Variants in TRAK1 observed in about 807,000 individuals in gnomAD.
TRAK1 encodes trafficking kinesin protein 1.
In TRAK1, 33 loss-of-function variants were observed where a neutral mutation model predicts 92.1. The observed-to-expected ratio is 0.36, with a 90% CI of 0.27 to 0.48. The LOEUF is 0.48. Ranked by LOEUF, TRAK1 falls within the 20% of genes least tolerant of loss-of-function variation. TRAK1 has a pLI of 0.99. For synonymous variants in TRAK1, 521 were observed against 517.3 expected (o/e 1.01, Z -0.10); for missense variants, 1,123 against 1,257.9 (o/e 0.89, Z 1.62).
rs554905985 is a variant in TRAK1 at position 42,168,375 on chromosome 3, G to A, written c.287-8439G>A. Among the ~76,000 whole-genome samples the A allele has an allele frequency of 3.1e-4, 47 of 152,238 alleles. No homozygotes were observed. The South Asian group carries it at 5.0e-3, about 16-fold the overall frequency. On this transcript the variant is annotated intron_variant, in intron 2 of 15. Coordinates refer to ENST00000327628, the MANE Select transcript of TRAK1 (RefSeq NM_001042646.3). ...AAGTGGCTGGAATATGGCATGGTTCGGGGATGCTTGCTTGAGTGTCATTTA... is the reference window on the plus strand; with the variant it reads ...AAGTGGCTGGAATATGGCATGGTTCAGGGATGCTTGCTTGAGTGTCATTTA...
At chr3:42,178,551 C>T (rs1209154943) in intron 3 of TRAK1, among the ~76,000 whole-genome samples, 3 of 152,198 alleles carry the variant, frequency 2.0e-5, no homozygotes, top group South Asian at 2.1e-4. Context: ...TGCTGAGCCC[C>T]AGGCATAGGA....
intron 10 of TRAK1, among the ~76,000 whole-genome samples, chr3:42,196,022 A>G (rs942885311): frequency 6.6e-6 from 1 of 152,094 alleles, no homozygotes; most frequent in Non-Finnish European, 1.5e-5. Context: ...CCCCACTCTC[A>G]AGGGCAGACC....
chr3:42,015,530 C>T (rs1312153063), intron 1 of TRAK1, among the ~76,000 whole-genome samples: 2 of 152,140 alleles, frequency 1.3e-5, no homozygotes, highest in African/African-American at 4.8e-5. Context: ...TACTTAACCT[C>T]TCTGTCCTGC....
At chr3:42,137,759 A>G (rs564235946) in intron 2 of TRAK1, among the ~76,000 whole-genome samples, 2 of 152,168 alleles carry the variant, frequency 1.3e-5, no homozygotes, top group Non-Finnish European at 2.9e-5. Flanking sequence ...TCTTCTTCCA[A>G]GTGCCTCTGA....
Position 42,194,880 on chromosome 3 carries a change from G to A in TRAK1, c.1052G>A (p.Arg351Gln), listed in dbSNP as rs756350710. The A allele has an allele frequency of 6.2e-6, 10 of 1,613,802 alleles. No homozygotes were observed. Among genetic ancestry groups the A allele is most frequent in the African/African-American group, 1.3e-5 (1 of 74,902 alleles). Residue 351 changes from arginine (R) to glutamine (Q), a missense_variant, in exon 10 of 16, where the codon CGG becomes CAG. Physicochemically the swap from Arg to Gln is conservative, Grantham distance 43. This residue lies in a region of TRAK1 where 686 missense variants were observed against 747.6 expected (regional missense o/e 0.92). Coordinates refer to ENST00000327628, the MANE Select transcript of TRAK1 (RefSeq NM_001042646.3). ...GCGCAGGAGGAGCTGAAGAACCTCC[G>A]GAACAAAACCATGCCCAATACCACG... is the stretch of plus-strand genomic sequence containing the variant. ...HEAQEELKNL[R>Q]NKTMPNTTSR...
rs1317060595 is a variant in TRAK1 at position 42,209,945 on chromosome 3, C to T, written c.1923C>T (p.Arg641=). 3.7e-6 allele frequency: 6 copies of T among 1,614,088 alleles called. No individual in the cohort carries two copies. Among genetic ancestry groups the T allele is most frequent in the Non-Finnish European group, 5.1e-6 (6 of 1,180,054 alleles). Residue 641 remains arginine (R), a synonymous_variant, in exon 14 of 16, where the codon CGC becomes CGT. Transcript: ENST00000327628. ...CAGGTGACCACATTTCTCTCCCACG[C>T]CTAGCTACCTCCACTCCAGTTCAGC... ...DDTGDHISLP[R]LATSTPVQHP... is the part of the protein sequence containing the mutation.
chr3:42,182,569 G>A (rs910737885), intron 3 of TRAK1, among the ~76,000 whole-genome samples: 1 of 152,204 alleles, frequency 6.6e-6, no homozygotes, highest in Admixed American at 6.5e-5. Flanking sequence ...GAGCCACTGT[G>A]CCTGGCCTAT....
chr3:42,137,091 AT>A (rs35624733), intron 2 of TRAK1, among the ~76,000 whole-genome samples: 74,009 of 151,622 alleles, frequency 0.49, 18,294 homozygotes, highest in South Asian at 0.61. Flanking sequence ...TTTTTTCTAG[AT>A]TTTTTTTTTC....
At chr3:42,144,096 C>T (rs1282864828) in intron 2 of TRAK1, among the ~76,000 whole-genome samples, 10 of 152,102 alleles carry the variant, frequency 6.6e-5, no homozygotes, top group Admixed American at 5.9e-4. Flanking sequence ...AATGGTGCCT[C>T]GCTCCCTACC....
At chr3:42,066,278 A>T (rs1703671940) in intron 1 of TRAK1, among the ~76,000 whole-genome samples, 1 of 152,194 alleles carries the variant, frequency 6.6e-6, no homozygotes, top group South Asian at 2.1e-4. Context: ...GTGAGCTGAG[A>T]TTGTGCCACT....
In TRAK1 at chr3:42,123,180, G is replaced by A. The variant is rs533274734; in HGVS notation, c.92-2240G>A. On this transcript the variant is annotated intron_variant, in intron 1 of 15. Coordinates refer to ENST00000327628, the MANE Select transcript of TRAK1 (RefSeq NM_001042646.3). ...AAAGGGTGATGAGTCATAACTCTAC[G>A]TTCTCTTTTCTCACGAATCCGTATT... is the stretch of plus-strand genomic sequence containing the variant. Among the ~76,000 whole-genome samples, 21 of 152,286 alleles carry A rather than the reference G, an allele frequency of 1.4e-4. No homozygotes were observed. In the South Asian group the frequency reaches 2.5e-3, roughly 18 times the overall value.
chr3:42,223,146 G>T lies in TRAK1; in HGVS notation c.2271G>T (p.Gln757His). Residue 757 changes from glutamine (Q) to histidine (H), a missense_variant, in exon 16 of 16, where the codon CAG (glutamine) becomes CAT (histidine). By Grantham distance (24) the Gln-to-His change is conservative. Transcript: ENST00000327628. The surrounding 1 kb of genome is among the most constrained non-coding windows in gnomAD (Gnocchi z 6.1). ...TTTCTGCTGCCGTGTACGACCCCCA[G>T]AGCTGGGACAGGGCCGGCCGGGGCT... The part of the protein sequence containing the change: ...RGISAAVYDP[Q>H]SWDRAGRGSL... The T allele has an allele frequency of 1.2e-6, 2 of 1,614,066 alleles. No individual in the cohort carries two copies. The highest frequency in any genetic ancestry group is 1.7e-6 in the Non-Finnish European group (2 of 1,180,028).
rs1179510453 is a variant in TRAK1, at chr3:42,051,945, T to C, written c.-518-35159T>C. Among the ~76,000 whole-genome samples, 4 of 152,336 alleles carry C rather than the reference T, an allele frequency of 2.6e-5. No homozygotes were observed. The East Asian group carries it at 7.7e-4, about 29-fold the overall frequency. On this transcript the variant is annotated intron_variant, in intron 1 of 16. Transcript: ENST00000487159. Reference sequence around the variant, plus strand: ...AACTTATTCCTCTTTGAGCCCTATCTTCTCTACTACCCAGTGACGTGACTC... The same window carrying C: ...AACTTATTCCTCTTTGAGCCCTATCCTCTCTACTACCCAGTGACGTGACTC...
intron 1 of TRAK1, among the ~76,000 whole-genome samples, chr3:42,059,865 C>G (rs1288130624): frequency 6.6e-6 from 1 of 152,146 alleles, no homozygotes; most frequent in Admixed American, 6.5e-5. Flanking sequence ...GCTCCTTTGA[C>G]TTCACAGATC....
In TRAK1 at chr3:42,202,758, C is replaced by A; in HGVS notation, c.1744+6C>A. 1 of 1,613,368 alleles carries A rather than the reference C, an allele frequency of 6.2e-7. No homozygotes were observed. Among genetic ancestry groups the A allele is most frequent in the Non-Finnish European group, 8.5e-7 (1 of 1,179,468 alleles). On this transcript the variant is annotated splice_donor_region_variant and intron_variant, in intron 13 of 15. Transcript: ENST00000327628. This position sits in a 1 kb window ranked among gnomAD's most constrained non-coding sequence, Gnocchi z 6.1. ...GATCGTGAAGCCGCTGGAAGGTGATCACGCGGGGCCTCGGCCCCTCTCTGT... is the reference window on the plus strand; with the variant it reads ...GATCGTGAAGCCGCTGGAAGGTGATAACGCGGGGCCTCGGCCCCTCTCTGT...
chr3:42,064,229 C>T (rs961721737), intron 1 of TRAK1, among the ~76,000 whole-genome samples: 16 of 152,256 alleles, frequency 1.1e-4, no homozygotes, highest in African/African-American at 3.9e-4. Context: ...CATTTCAAGC[C>T]TAGGTGGGTG....
In TRAK1 at chr3:42,215,135, CT is replaced by C. The variant is rs11324146; in HGVS notation, c.1964-4358del. 1.4e-3 allele frequency among the ~76,000 whole-genome samples: 218 copies of C among 152,216 alleles called. 2 individuals are homozygous for C. Among genetic ancestry groups the C allele is most frequent in the African/African-American group, 5.0e-3 (208 of 41,516 alleles). On this transcript the variant is annotated intron_variant, in intron 14 of 15. Coordinates refer to ENST00000327628, the MANE Select transcript of TRAK1 (RefSeq NM_001042646.3). ...ACTCATCATAGAACTTTTTTTCCCCCTGAAAATATCATGGGCAGAGTTACAT... is the reference window on the plus strand; with the variant it reads ...ACTCATCATAGAACTTTTTTTCCCCCGAAAATATCATGGGCAGAGTTACAT...
At chr3:42,162,866 G>A (rs552757180) in intron 2 of TRAK1, among the ~76,000 whole-genome samples, 2 of 152,178 alleles carry the variant, frequency 1.3e-5, no homozygotes, top group African/African-American at 4.8e-5. Flanking sequence ...TAAATTTTTC[G>A]TTAGAAATTT....
At chr3:42,065,389 T>G (rs1052592366) in intron 1 of TRAK1, among the ~76,000 whole-genome samples, 2 of 152,224 alleles carry the variant, frequency 1.3e-5, no homozygotes, top group African/African-American at 4.8e-5. Context: ...GGATTGAACA[T>G]CCCAGGTTTG....
Sources: allele counts gnomAD v4.1 joint callset (sites outside exome capture counted in the v4.1 genomes callset), GRCh38; gene constraint gnomAD v4.1.1; regional missense constraint gnomAD v4.1.1; non-coding constraint Gnocchi (gnomAD v3.1); transcripts MANE v1.5; gene names NCBI Gene and HGNC (gene_info 2026-07-23, HGNC 2026-07-21).